PCSK2: variants seen among roughly 807,000 people sequenced by gnomAD.
The protein encoded by PCSK2 is neuroendocrine convertase 2.
Under a neutral mutation model 69.7 loss-of-function variants are expected in PCSK2, and 14 were observed. That is an observed-to-expected ratio of 0.20 (90% CI 0.13 to 0.31). PCSK2 has a LOEUF of 0.31. Among genes scored for constraint, PCSK2 ranks in the 10% least tolerant of loss-of-function variants. The probability of loss-of-function intolerance (pLI) is 1.00; values close to 1 mark genes in which losing one functional copy is unlikely to be tolerated. For missense variants in PCSK2, 544 were observed against 842.5 expected (o/e 0.65, Z 4.39); for synonymous variants, 307 against 320.7 (o/e 0.96, Z 0.46).
chr20:17,338,214 T>G (rs1301990897), intron 2 of PCSK2, among the ~76,000 whole-genome samples: 1 of 151,894 alleles, frequency 6.6e-6, no homozygotes, highest in Non-Finnish European at 1.5e-5. Context: ...TTTGTTTTTT[T>G]GAGACGGAGT....
At chr20:17,450,175 C>G (rs1220131647) in intron 8 of PCSK2, among the ~76,000 whole-genome samples, 4 of 151,830 alleles carry the variant, frequency 2.6e-5, no homozygotes, top group Non-Finnish European at 5.9e-5. Flanking sequence ...ACTACAGGCG[C>G]CCGCCACCTC....
chr20:17,353,805 T>TATGCATAC (rs1165710376), intron 2 of PCSK2, among the ~76,000 whole-genome samples: 9 of 152,210 alleles, frequency 5.9e-5, no homozygotes, highest in South Asian at 2.1e-4. Flanking sequence ...CACCATGGAA[T>TATGCATAC]ACTATGCAGC....
intron 2 of PCSK2, among the ~76,000 whole-genome samples, chr20:17,303,493 TTA>T (rs1451681852): frequency 2.1e-4 from 10 of 47,578 alleles, no homozygotes; most frequent in African/African-American, 6.6e-4. Flanking sequence ...TATATTATAT[TTA>T]ATATAATATA....
chr20:17,413,473 G>C (rs1251910789), intron 6 of PCSK2, among the ~76,000 whole-genome samples: 1 of 152,162 alleles, frequency 6.6e-6, no homozygotes. Context: ...AATTCAACAA[G>C]AAGAGCTAAC....
chr20:17,316,535 A>G (rs1299623795), intron 2 of PCSK2, among the ~76,000 whole-genome samples: 1 of 152,058 alleles, frequency 6.6e-6, no homozygotes, highest in Non-Finnish European at 1.5e-5. Flanking sequence ...CAAATAAACT[A>G]CTTGCTCTCA....
chr20:17,232,546 T>C lies in PCSK2; in HGVS notation c.177+5064T>C, dbSNP rs969627535. Among the ~76,000 whole-genome samples, 9 of 152,338 alleles carry C rather than the reference T, an allele frequency of 5.9e-5. No individual in the cohort carries two copies. In the East Asian group the frequency reaches 1.5e-3, roughly 26 times the overall value. ...TTCTTTTGGGTTGTCCATCTTCACT[T>C]TTTATTTGTAGGATTTCTTTACCTA... On this transcript the variant is annotated intron_variant, in intron 1 of 11. Transcript: ENST00000262545.
intron 7 of PCSK2, 139 bp from the exon 8 acceptor site, chr20:17,436,569 C>G: frequency 3.0e-6 from 2 of 657,598 alleles, no homozygotes; most frequent in East Asian, 2.7e-5. Context: ...TTTCTTGATC[C>G]CTGGACTGCA....
rs182267542 is a variant in PCSK2, at chr20:17,261,206, A to G, written c.282+862A>G. ...GGAAGGAAAGTATGTAATAACTCAG[A>G]CAAGTTGTTCTCTGTACATTGAAGG... On this transcript the variant is annotated intron_variant, in intron 2 of 11. Coordinates refer to ENST00000262545, the MANE Select transcript of PCSK2 (RefSeq NM_002594.5). Among the ~76,000 whole-genome samples, 297 of 152,354 alleles carry G rather than the reference A, an allele frequency of 1.9e-3. 2 individuals carry two copies. The highest frequency in any genetic ancestry group is 9.3e-3 in the South Asian group (45 of 4,826).
At chr20:17,443,195 A>G (rs1019210965) in intron 8 of PCSK2, among the ~76,000 whole-genome samples, 1 of 152,242 alleles carries the variant, frequency 6.6e-6, no homozygotes, top group African/African-American at 2.4e-5. Context: ...GTCCATTGCT[A>G]CACTGTTCAG....
intron 1 of PCSK2, among the ~76,000 whole-genome samples, chr20:17,231,220 TCATGTGAC>T (rs1986133330): frequency 1.3e-5 from 2 of 152,250 alleles, no homozygotes; most frequent in South Asian, 4.1e-4. Flanking sequence ...ACAAGTAAAA[TCATGTGAC>T]CATTTTTATA....
At chr20:17,275,784 C>T (rs972200426) in intron 2 of PCSK2, among the ~76,000 whole-genome samples, 2 of 152,030 alleles carry the variant, frequency 1.3e-5, no homozygotes, top group African/African-American at 4.8e-5. Context: ...AACTCTTGTC[C>T]CTCTCTAAAT....
chr20:17,339,979 C>T (rs891145765), intron 2 of PCSK2, among the ~76,000 whole-genome samples: 1 of 152,228 alleles, frequency 6.6e-6, no homozygotes, highest in African/African-American at 2.4e-5. Flanking sequence ...ATGCAACCCA[C>T]CCCTGCCTGT....
rs1350670075 is a variant in PCSK2 at position 17,465,497 on chromosome 20, C to G, written c.1374C>G (p.Asp458Glu). Residue 458 changes from aspartate to glutamate, a missense_variant, in exon 11 of 12, where the codon GAC (aspartate) becomes GAG (glutamate). By Grantham distance (45) the Asp-to-Glu change is conservative. Coordinates refer to ENST00000262545, the MANE Select transcript of PCSK2 (RefSeq NM_002594.5). ...DAGAMVKMAK[D>E]WKTVPERFHC... ...GTGCCATGGTGAAAATGGCTAAAGA[C>G]TGGAAAACCGTGCCTGAGAGATTCC... 6 of 1,613,162 alleles carry G rather than the reference C, an allele frequency of 3.7e-6. No individual in the cohort carries two copies. The highest frequency in any genetic ancestry group is 4.2e-6 in the Non-Finnish European group (5 of 1,179,562).
Position 17,449,325 on chromosome 20 carries a change from G to T in PCSK2, c.886-4417G>T, listed in dbSNP as rs149026527. Among the ~76,000 whole-genome samples the T allele has an allele frequency of 1.6e-4, 25 of 152,224 alleles. No homozygotes were observed. In the East Asian group the frequency reaches 4.6e-3, roughly 28 times the overall value. ...CCTCCCTTTGTCCTTCAGCTCCAGGGCCACCCTCTAATCCATGGGTGAATT... is the reference window on the plus strand; with the variant it reads ...CCTCCCTTTGTCCTTCAGCTCCAGGTCCACCCTCTAATCCATGGGTGAATT... On this transcript the variant is annotated intron_variant, in intron 8 of 11. Coordinates refer to ENST00000262545, the MANE Select transcript of PCSK2 (RefSeq NM_002594.5).
chr20:17,262,054 C>G (rs1242554608), intron 2 of PCSK2, among the ~76,000 whole-genome samples: 2 of 152,188 alleles, frequency 1.3e-5, no homozygotes, highest in Non-Finnish European at 2.9e-5. Context: ...CTGAGCTTTT[C>G]CCATTCTAAC....
intron 2 of PCSK2, among the ~76,000 whole-genome samples, chr20:17,336,417 C>CTCCT (rs1990352518): frequency 6.6e-6 from 1 of 152,200 alleles, no homozygotes; most frequent in Non-Finnish European, 1.5e-5. Context: ...ATGCATTGAT[C>CTCCT]TCCTGCTTTC....
chr20:17,226,814 G>GCTGCGCTGCC (rs1335953829), upstream of PCSK2, among the ~76,000 whole-genome samples: 1 of 142,886 alleles, frequency 7.0e-6, no homozygotes, highest in Non-Finnish European at 1.5e-5. Flanking sequence ...GCTGCGCTGC[G>GCTGCGCTGCC]CTGCGCTGCG....
chr20:17,472,532 T>G (rs907928889), intron 11 of PCSK2, among the ~76,000 whole-genome samples: 2 of 152,364 alleles, frequency 1.3e-5, no homozygotes, highest in East Asian at 3.9e-4. Context: ...ATTGTTACTA[T>G]TGTGATTATT....
chr20:17,383,783 G>A (rs1426268876), intron 5 of PCSK2, among the ~76,000 whole-genome samples: 3 of 152,136 alleles, frequency 2.0e-5, no homozygotes, highest in Admixed American at 6.5e-5. Flanking sequence ...CTTGAGAAAC[G>A]TGGTGTTACA....
Sources: allele counts gnomAD v4.1 joint callset (sites outside exome capture counted in the v4.1 genomes callset), GRCh38; gene constraint gnomAD v4.1.1; transcripts MANE v1.5; gene names NCBI Gene and HGNC (gene_info 2026-07-23, HGNC 2026-07-21).